Variants in RIC3 observed in about 807,000 individuals in gnomAD.
RIC3 encodes the protein RIC3 acetylcholine receptor chaperone, also known as protein RIC-3.
Under a neutral mutation model 27.3 loss-of-function variants are expected in RIC3, and 28 were observed. That is an observed-to-expected ratio of 1.02 (90% confidence interval 0.76 to 1.41). The LOEUF is 1.41. Among genes scored for constraint, RIC3 ranks in the 40% most tolerant of loss-of-function variants. The probability of loss-of-function intolerance (pLI) is 0.00; values close to 1 mark genes in which losing one functional copy is unlikely to be tolerated. For missense variants in RIC3, 501 were observed against 444.7 expected (o/e 1.13, Z -1.14); for synonymous variants, 184 against 160.4 (o/e 1.15, Z -1.11).
intron 1 of RIC3, among the ~76,000 whole-genome samples, chr11:8,152,847 G>T (rs920028373): frequency 6.6e-6 from 1 of 151,974 alleles, no homozygotes; most frequent in Admixed American, 6.6e-5. Context: ...AATACCTCAG[G>T]ATAGAAAACA....
downstream of RIC3, chr11:8,101,357 G>A (rs1003843798): frequency 5.6e-6 from 7 of 1,251,698 alleles, no homozygotes; most frequent in Admixed American, 1.2e-4. Context: ...ACTTCCCTTT[G>A]TGATTCCCCT....
At chr11:8,158,303 G>A (rs1950855815) in intron 1 of RIC3, among the ~76,000 whole-genome samples, 1 of 152,158 alleles carries the variant, frequency 6.6e-6, no homozygotes, top group African/African-American at 2.4e-5. Context: ...CAGGGCCACT[G>A]GAGAGGGGCT....
the RIC3 span, chr11:8,097,829 A>G: frequency 6.2e-7 from 1 of 1,611,894 alleles, no homozygotes; most frequent in Non-Finnish European, 8.5e-7. Context: ...AAACTGCGGT[A>G]CTAGCATTCC....
At chr11:8,134,865 T>G (rs1023889019) in intron 4 of RIC3, among the ~76,000 whole-genome samples, 1 of 152,234 alleles carries the variant, frequency 6.6e-6, no homozygotes, top group Admixed American at 6.5e-5. Context: ...TAAATTTGTT[T>G]GAGTTCATCG....
Position 8,108,905 on chromosome 11 carries a change from CCT to C in RIC3, c.*1791_*1792del, listed in dbSNP as rs1944952725. Reference sequence around the variant, plus strand: ...CCAGGGCTCTCCTCATGAATCAACCCCTCACAGTGAACGAAGGGAAATAACAC... The same window carrying C: ...CCAGGGCTCTCCTCATGAATCAACCCCACAGTGAACGAAGGGAAATAACAC... On this transcript the variant is annotated 3_prime_UTR_variant, in exon 6 of 6. Coordinates refer to ENST00000309737, the MANE Select transcript of RIC3 (RefSeq NM_001206671.4). 6.6e-6 allele frequency: 1 copy of C among 152,188 alleles called. No homozygotes were observed. The highest frequency in any genetic ancestry group is 2.4e-5 in the African/African-American group (1 of 41,440). The allele number at this position is 152,188 out of a possible 1,614,324, so 9.4% of individuals were successfully genotyped here.
At chr11:8,135,661 A>G (rs1948313339) in intron 4 of RIC3, 1 of 152,128 alleles carries the variant, frequency 6.6e-6, no homozygotes, top group African/African-American at 2.4e-5. Context: ...TATTTCATTG[A>G]GCAGTGGTTT....
chr11:8,150,365 C>T (rs1317345423), intron 1 of RIC3, among the ~76,000 whole-genome samples: 2 of 152,126 alleles, frequency 1.3e-5, no homozygotes, highest in African/African-American at 2.4e-5. Context: ...AAAAATAGAG[C>T]TCATGGAGGA....
intron 5 of RIC3, among the ~76,000 whole-genome samples, chr11:8,125,913 C>G (rs1293630632): frequency 6.6e-6 from 1 of 152,166 alleles, no homozygotes; most frequent in Non-Finnish European, 1.5e-5. Context: ...GTGCCAGGCA[C>G]CTGTAATCTC....
chr11:8,149,934 G>A (rs1950070778), intron 1 of RIC3, among the ~76,000 whole-genome samples: 1 of 152,104 alleles, frequency 6.6e-6, no homozygotes, highest in Admixed American at 6.5e-5. Context: ...GGTTCTGGCT[G>A]GTCTACAGAG....
chr11:8,129,405 T>C (rs1947412077), intron 4 of RIC3, among the ~76,000 whole-genome samples: 1 of 152,090 alleles, frequency 6.6e-6, no homozygotes, highest in Non-Finnish European at 1.5e-5. Flanking sequence ...ATCTTGACTT[T>C]CCACACAAAT....
chr11:8,122,294 AT>A lies in RIC3; in HGVS notation c.670+4364del, dbSNP rs534507296. ...CCTAGCAACAACTAATCAGTCCTCTATTTCTATAATATTGCCACGTCAATTA... is the reference window on the plus strand; with the variant it reads ...CCTAGCAACAACTAATCAGTCCTCTATTCTATAATATTGCCACGTCAATTA... On this transcript the variant is annotated intron_variant, in intron 5 of 5. Coordinates refer to ENST00000309737, the MANE Select transcript of RIC3 (RefSeq NM_001206671.4). Among the ~76,000 whole-genome samples the A allele has an allele frequency of 1.6e-4, 24 of 152,206 alleles. No individual in the cohort carries two copies. In the South Asian group the frequency reaches 4.1e-3, roughly 26 times the overall value.
chr11:8,141,218 T>C (rs1013612219), intron 1 of RIC3, among the ~76,000 whole-genome samples: 2 of 151,856 alleles, frequency 1.3e-5, no homozygotes, highest in African/African-American at 4.8e-5. Flanking sequence ...AATGCTCCAA[T>C]TAAAATACAC....
At chr11:8,163,048 C>CACACACACACACACACAT (rs1554979165) in intron 1 of RIC3, among the ~76,000 whole-genome samples, 1 of 129,490 alleles carries the variant, frequency 7.7e-6, no homozygotes, top group African/African-American at 3.0e-5. Flanking sequence ...CACACACACA[C>CACACACACACACACACAT]ACATACACAC....
At chr11:8,150,290 C>A (rs529225137) in intron 1 of RIC3, among the ~76,000 whole-genome samples, 3 of 152,250 alleles carry the variant, frequency 2.0e-5, no homozygotes, top group African/African-American at 7.2e-5. Context: ...ATTTATAAAT[C>A]ATATTTTTTA....
At chr11:8,094,746 G>A in the RIC3 span, among the ~76,000 whole-genome samples, 1 of 152,228 alleles carries the variant, frequency 6.6e-6, no homozygotes, top group Non-Finnish European at 1.5e-5. Flanking sequence ...ACCTGCCCCA[G>A]GTCCTGTCTC....
the RIC3 span, among the ~76,000 whole-genome samples, chr11:8,096,130 C>T: frequency 6.6e-6 from 1 of 152,138 alleles, no homozygotes; most frequent in Admixed American, 6.5e-5. Context: ...TTTGAGACAA[C>T]TTGAGGATGG....
At chr11:8,153,280 G>T (rs1036048755) in intron 1 of RIC3, 1 of 352,284 alleles carries the variant, frequency 2.8e-6, no homozygotes, top group African/African-American at 2.2e-5. Flanking sequence ...CACTATGTCA[G>T]GCTCTGAGAT....
rs1004930487 is a variant in RIC3, at chr11:8,111,244, A to T, written c.671-107T>A. 22 of 800,704 alleles carry T rather than the reference A, an allele frequency of 2.7e-5. No individual in the cohort carries two copies. The African/African-American group carries it at 3.8e-4, about 14-fold the overall frequency. 49.6% of individuals were successfully genotyped at this position (800,704 alleles called of 1,614,324 possible). On this transcript the variant is annotated intron_variant, in intron 5 of 5. Coordinates refer to ENST00000309737, the MANE Select transcript of RIC3 (RefSeq NM_001206671.4). The stretch of plus-strand genomic sequence containing the variant: ...CTCAGGCAGCAGCCATCCTATCCTA[A>T]CAAATCCATTCAAGACATCTCTAAG...
At chr11:8,134,614 A>G (rs1948139965) in intron 4 of RIC3, among the ~76,000 whole-genome samples, 5 of 152,202 alleles carry the variant, frequency 3.3e-5, no homozygotes, top group Admixed American at 3.3e-4. Context: ...TCCCATCAAC[A>G]GTGTAAAAGT....
Sources: gnomAD v4.1 joint callset for allele counts (sites outside exome capture counted in the v4.1 genomes callset) on GRCh38, gnomAD v4.1.1 for gene constraint, MANE v1.5 for transcripts, NCBI Gene and HGNC (gene_info 2026-07-23, HGNC 2026-07-21) for gene names.